The following ENOX1 variants were observed in gnomAD, a reference collection of about 807,000 sequenced individuals.
The protein encoded by ENOX1 is ecto-NOX disulfide-thiol exchanger 1.
Under a neutral mutation model 82.5 loss-of-function variants are expected in ENOX1, and 42 were observed. The ratio of observed to expected loss-of-function variants is 0.51; its 90% CI spans 0.40 to 0.66. The LOEUF (loss-of-function observed/expected upper bound fraction) is 0.66. ENOX1 is among the 30% of genes least tolerant of loss of function. The probability of loss-of-function intolerance (pLI) is 0.00; values close to 1 mark genes in which losing one functional copy is unlikely to be tolerated. For synonymous variants in ENOX1, 271 were observed against 282.2 expected (o/e 0.96, Z 0.40); for missense variants, 608 against 811.6 (o/e 0.75, Z 3.05).
intron 1 of ENOX1, among the ~76,000 whole-genome samples, chr13:43,674,625 G>A (rs1419192481): frequency 6.6e-6 from 1 of 152,104 alleles, no homozygotes; most frequent in African/African-American, 2.4e-5. Context: ...AGATTTTAAG[G>A]CCAGTGAAAC....
intron 3 of ENOX1, among the ~76,000 whole-genome samples, chr13:43,422,501 T>C (rs1369295125): frequency 6.6e-6 from 1 of 152,198 alleles, no homozygotes; most frequent in Non-Finnish European, 1.5e-5. Flanking sequence ...CCTCCACTTT[T>C]CTACTTTGTA....
At chr13:43,680,595 G>A (rs913059608) in intron 1 of ENOX1, among the ~76,000 whole-genome samples, 10 of 152,024 alleles carry the variant, frequency 6.6e-5, no homozygotes, top group African/African-American at 2.4e-4. Flanking sequence ...GTAAAACTTC[G>A]GCAAGTTATT....
chr13:43,551,116 T>A (rs1330362526), intron 2 of ENOX1, among the ~76,000 whole-genome samples: 3 of 152,212 alleles, frequency 2.0e-5, no homozygotes, highest in African/African-American at 7.2e-5. Context: ...CTGGGATTTT[T>A]AAAATAAAAT....
chr13:43,776,032 G>A (rs1320719830), intron 1 of ENOX1, among the ~76,000 whole-genome samples: 1 of 152,110 alleles, frequency 6.6e-6, no homozygotes, highest in African/African-American at 2.4e-5. Context: ...TACTTCCGGA[G>A]GCAATAAGGT....
chr13:43,415,232 G>GTTTTTTTTTTTTTTTTTTTTTTTT (rs71202260), intron 3 of ENOX1, among the ~76,000 whole-genome samples: 2 of 54,634 alleles, frequency 3.7e-5, no homozygotes, highest in African/African-American at 7.4e-5. Context: ...CCAATCCAAT[G>GTTTTTTTTTTTTTTTTTTTTTTTT]TTTTTTTTTT....
intron 5 of ENOX1, among the ~76,000 whole-genome samples, chr13:43,399,928 C>T (rs1023069673): frequency 1.3e-5 from 2 of 152,106 alleles, no homozygotes; most frequent in Non-Finnish European, 1.5e-5. Flanking sequence ...TCCAGCCACC[C>T]CTCCACTTTC....
In ENOX1 at chr13:43,719,302, T is replaced by TACACACACACACACACACACACAC. The variant is rs3024232; in HGVS notation, c.-284-51782_-284-51759dup. ...AGTACTCCATATATATTCATTCAAATACACACACACACACACACACACACA... is the reference window on the plus strand; with the variant it reads ...AGTACTCCATATATATTCATTCAAATACACACACACACACACACACACACACACACACACACACACACACACACA... On this transcript the variant is annotated intron_variant, in intron 1 of 16. Coordinates refer to ENST00000690772, the MANE Select transcript of ENOX1 (RefSeq NM_001347969.2). Among the ~76,000 whole-genome samples, 50 of 126,786 alleles carry TACACACACACACACACACACACAC rather than the reference T, an allele frequency of 3.9e-4. 1 individual carries two copies. The highest frequency in any genetic ancestry group is 1.9e-3 in the South Asian group (6 of 3,164). The allele number at this position is 126,786 out of a possible 152,430, so 83.2% of individuals were successfully genotyped here.
chr13:43,667,813 G>A (rs1028608925), intron 1 of ENOX1, among the ~76,000 whole-genome samples: 1 of 152,144 alleles, frequency 6.6e-6, no homozygotes, highest in Non-Finnish European at 1.5e-5. Flanking sequence ...TGCTTTAAAA[G>A]TAGTCTTTGT....
chr13:43,600,452 G>A (rs1351683903), intron 2 of ENOX1, among the ~76,000 whole-genome samples: 1 of 152,184 alleles, frequency 6.6e-6, no homozygotes. Context: ...CTCTGCTGGT[G>A]GAAAGGAGAG....
rs114378086 is a variant in ENOX1, at chr13:43,611,306, G to C, written c.-219+56173C>G. On this transcript the variant is annotated intron_variant, in intron 2 of 16. Coordinates refer to ENST00000690772, the MANE Select transcript of ENOX1 (RefSeq NM_001347969.2). The stretch of plus-strand genomic sequence containing the variant: ...GCATTAAGAATTACAATAGTATAAA[G>C]AACAATCCTTTGGTGTACATATTTA... Among the ~76,000 whole-genome samples, 1,503 of 152,176 alleles carry C rather than the reference G, an allele frequency of 9.9e-3. 29 individuals carry two copies. Among genetic ancestry groups the C allele is most frequent in the African/African-American group, 0.034 (1,432 of 41,534 alleles).
At chr13:43,679,795 T>A (rs895670084) in intron 1 of ENOX1, among the ~76,000 whole-genome samples, 1 of 152,224 alleles carries the variant, frequency 6.6e-6, no homozygotes, top group Non-Finnish European at 1.5e-5. Flanking sequence ...ATGCATCCTT[T>A]GCCTTCAAAT....
At chr13:43,695,976 C>T (rs117887527) in intron 1 of ENOX1, among the ~76,000 whole-genome samples, 98 of 152,266 alleles carry the variant, frequency 6.4e-4, no homozygotes, top group Non-Finnish European at 9.1e-4. Context: ...ATGATAACTA[C>T]TACTCTACTT....
chr13:43,509,849 A>C (rs900078584), intron 2 of ENOX1, among the ~76,000 whole-genome samples: 2 of 152,034 alleles, frequency 1.3e-5, no homozygotes, highest in African/African-American at 2.4e-5. Context: ...GAAAGAAAAA[A>C]AAAATGTCTC....
chr13:43,335,713 AC>A (rs1243180031), intron 9 of ENOX1, among the ~76,000 whole-genome samples: 3 of 151,618 alleles, frequency 2.0e-5, no homozygotes, highest in South Asian at 2.1e-4. Flanking sequence ...TTTTAAAAAA[AC>A]ATAATGATTT....
intron 2 of ENOX1, among the ~76,000 whole-genome samples, chr13:43,597,191 G>T (rs763616074): frequency 6.6e-6 from 1 of 152,162 alleles, no homozygotes; most frequent in African/African-American, 2.4e-5. Context: ...GAAGAGCAAA[G>T]GGGAAGTCTG....
At chr13:43,410,625 T>TACACAC (rs60371956) in intron 5 of ENOX1, among the ~76,000 whole-genome samples, 7,144 of 146,890 alleles carry the variant, frequency 0.049, 160 homozygotes, top group South Asian at 0.088. Context: ...TACACACATG[T>TACACAC]ACACACACAC....
chr13:43,350,013 A>G (rs1331825310), intron 8 of ENOX1, among the ~76,000 whole-genome samples: 2 of 152,232 alleles, frequency 1.3e-5, no homozygotes, highest in African/African-American at 2.4e-5. Context: ...ACCTAATTCT[A>G]CAGGGGGTGG....
chr13:43,353,786 C>T (rs1566584342), intron 8 of ENOX1, among the ~76,000 whole-genome samples: 1 of 152,212 alleles, frequency 6.6e-6, no homozygotes, highest in Non-Finnish European at 1.5e-5. Context: ...GTTCTTTCCT[C>T]AAGGGATCAC....
At chr13:43,616,188 A>ATT (rs2082454835) in intron 2 of ENOX1, among the ~76,000 whole-genome samples, 1 of 15,458 alleles carries the variant, frequency 6.5e-5, no homozygotes, top group African/African-American at 8.7e-5. Context: ...CTATCTATCT[A>ATT]TATATATATA....
Sources: allele counts gnomAD v4.1 joint callset (sites outside exome capture counted in the v4.1 genomes callset), GRCh38; gene constraint gnomAD v4.1.1; transcripts MANE v1.5; gene names NCBI Gene and HGNC (gene_info 2026-07-23, HGNC 2026-07-21).